BCAR3: variants seen among roughly 807,000 people sequenced by gnomAD.
The protein encoded by BCAR3 is BCAR3 adaptor protein, NSP family member.
Under a neutral mutation model 80.1 loss-of-function variants are expected in BCAR3, and 37 were observed. The ratio of observed to expected loss-of-function variants is 0.46; its 90% CI spans 0.36 to 0.61. The LOEUF is 0.61. Ranked by LOEUF, BCAR3 falls within the 20% of genes least tolerant of loss-of-function variation. BCAR3 has a pLI of 0.00. For synonymous variants in BCAR3, 389 were observed against 418.9 expected (o/e 0.93, Z 0.87); for missense variants, 978 against 1,068.2 (o/e 0.92, Z 1.18).
At chr1:93,728,089 A>G (rs1219645230) in intron 2 of BCAR3, among the ~76,000 whole-genome samples, 1 of 152,256 alleles carries the variant, frequency 6.6e-6, no homozygotes, top group Non-Finnish European at 1.5e-5. Flanking sequence ...GAGGGAGTGT[A>G]TCCCCACTGA....
chr1:93,687,956 A>G (rs138150150), intron 3 of BCAR3, among the ~76,000 whole-genome samples: 1 of 152,368 alleles, frequency 6.6e-6, no homozygotes, highest in East Asian at 1.9e-4. Flanking sequence ...GCAGAAAGAA[A>G]GATAGAGAAT....
At chr1:93,608,618 A>G (rs1674853375) in intron 3 of BCAR3, among the ~76,000 whole-genome samples, 1 of 152,066 alleles carries the variant, frequency 6.6e-6, no homozygotes, top group Non-Finnish European at 1.5e-5. Flanking sequence ...TCTGCTTCCC[A>G]CTTAGGTCTC....
chr1:93,604,544 T>G (rs921051312), intron 3 of BCAR3, among the ~76,000 whole-genome samples: 2 of 152,216 alleles, frequency 1.3e-5, no homozygotes, highest in African/African-American at 4.8e-5. Context: ...AGCAGTAACT[T>G]AATCCTACAT....
intron 2 of BCAR3, among the ~76,000 whole-genome samples, chr1:93,747,808 A>AGT (rs1651410787): frequency 6.6e-6 from 1 of 151,626 alleles, no homozygotes; most frequent in African/African-American, 2.4e-5. Context: ...CACTTCCCCC[A>AGT]GTGTGCTATG....
chr1:93,664,377 C>T (rs560806303), intron 2 of BCAR3, among the ~76,000 whole-genome samples: 1 of 152,318 alleles, frequency 6.6e-6, no homozygotes, highest in South Asian at 2.1e-4. Flanking sequence ...CCTCGGCCTC[C>T]CAAAGTGCTG....
At position 93,562,085 on chromosome 1, in the gene BCAR3, T is replaced by C. The variant is rs1672696607; in HGVS notation, c.*156A>G. On this transcript the variant is annotated 3_prime_UTR_variant, in exon 12 of 12. Transcript: ENST00000260502. The stretch of plus-strand genomic sequence containing the variant: ...ACTTTAGACAATTCATAAATAAGTG[T>C]GCTCTGTGCAATTTACACGTTTAAT... 1 of 626,144 alleles carries C rather than the reference T, an allele frequency of 1.6e-6. No homozygotes were observed. The highest frequency in any genetic ancestry group is 3.5e-5 in the Admixed American group (1 of 28,470). The allele number at this position is 626,144 out of a possible 1,614,324, so 38.8% of individuals were successfully genotyped here.
chr1:93,624,857 G>A (rs954046943), intron 3 of BCAR3, among the ~76,000 whole-genome samples: 2 of 152,200 alleles, frequency 1.3e-5, no homozygotes, highest in Non-Finnish European at 2.9e-5. Flanking sequence ...GCTCCTCACC[G>A]GGTAAGCCAG....
chr1:93,743,078 T>C (rs926907682), intron 2 of BCAR3, among the ~76,000 whole-genome samples: 2 of 152,230 alleles, frequency 1.3e-5, no homozygotes, highest in African/African-American at 4.8e-5. Flanking sequence ...ATTCTTTATA[T>C]AGGTTAATAA....
chr1:93,733,056 AT>A (rs1182875398), intron 2 of BCAR3, among the ~76,000 whole-genome samples: 2 of 152,204 alleles, frequency 1.3e-5, no homozygotes, highest in Non-Finnish European at 2.9e-5. Flanking sequence ...CCAATGCAGC[AT>A]TTTACCAGGT....
chr1:93,742,395 G>C (rs1225022503), intron 2 of BCAR3, among the ~76,000 whole-genome samples: 1 of 152,162 alleles, frequency 6.6e-6, no homozygotes, highest in Non-Finnish European at 1.5e-5. Flanking sequence ...TAAAGCAAGA[G>C]GCTTATTGAC....
chr1:93,833,200 C>T (rs1654638306), intron 2 of BCAR3, among the ~76,000 whole-genome samples: 1 of 152,154 alleles, frequency 6.6e-6, no homozygotes, highest in African/African-American at 2.4e-5. Flanking sequence ...GCTGCAAAAC[C>T]AGCAAGTTTT....
chr1:93,831,566 A>G (rs1045012489), intron 2 of BCAR3, among the ~76,000 whole-genome samples: 4 of 151,734 alleles, frequency 2.6e-5, no homozygotes. Flanking sequence ...TCCCTCCCTA[A>G]TCTCTGTTCC....
chr1:93,713,321 T>C (rs1650087860), intron 2 of BCAR3, among the ~76,000 whole-genome samples: 1 of 152,138 alleles, frequency 6.6e-6, no homozygotes, highest in South Asian at 2.1e-4. Flanking sequence ...CACAGAACTC[T>C]TTGTTCATGA....
intron 3 of BCAR3, chr1:93,613,797 G>C: frequency 3.2e-6 from 5 of 1,540,068 alleles, no homozygotes; most frequent in Non-Finnish European, 3.5e-6. Flanking sequence ...CATGCTTTCA[G>C]GGTCCCCCAA....
chr1:93,821,111 A>C (rs1439801180), intron 2 of BCAR3, among the ~76,000 whole-genome samples: 1 of 152,174 alleles, frequency 6.6e-6, no homozygotes, highest in Non-Finnish European at 1.5e-5. Context: ...TTATTTTGTC[A>C]CAAGTACATA....
chr1:93,841,155 G>A (rs932446551), intron 2 of BCAR3, among the ~76,000 whole-genome samples: 1 of 152,214 alleles, frequency 6.6e-6, no homozygotes, highest in Non-Finnish European at 1.5e-5. Context: ...CTCAACCCCA[G>A]GCTCCTTAGC....
At chr1:93,843,704 T>C (rs1414967279) in intron 2 of BCAR3, among the ~76,000 whole-genome samples, 1 of 152,176 alleles carries the variant, frequency 6.6e-6, no homozygotes, top group Non-Finnish European at 1.5e-5. Flanking sequence ...TTTTTACCGG[T>C]AGGAATGCCC....
intron 2 of BCAR3, among the ~76,000 whole-genome samples, chr1:93,660,481 G>A (rs1253356108): frequency 6.6e-6 from 1 of 152,180 alleles, no homozygotes; most frequent in African/African-American, 2.4e-5. Flanking sequence ...ATTTCTATCT[G>A]TTTACCAGGA....
chr1:93,704,707 C>CTGT (rs1557660652), intron 3 of BCAR3, among the ~76,000 whole-genome samples: 1 of 152,188 alleles, frequency 6.6e-6, no homozygotes, highest in African/African-American at 2.4e-5. Context: ...AGTGATCCAT[C>CTGT]TGTTCATGGT....
Sources: allele counts gnomAD v4.1 joint callset (sites outside exome capture counted in the v4.1 genomes callset), GRCh38; gene constraint gnomAD v4.1.1; transcripts MANE v1.5; gene names NCBI Gene and HGNC (gene_info 2026-07-23, HGNC 2026-07-21).